PIP5K1B: variants seen among roughly 807,000 people sequenced by gnomAD.
The protein encoded by PIP5K1B is phosphatidylinositol-4-phosphate 5-kinase type 1 beta, also known as phosphatidylinositol 4-phosphate 5-kinase type-1 beta.
Under a neutral mutation model 67.0 loss-of-function variants are expected in PIP5K1B, and 42 were observed. That is an observed-to-expected ratio of 0.63 (90% CI 0.49 to 0.81). The LOEUF (loss-of-function observed/expected upper bound fraction) is 0.81. PIP5K1B is among the 30% of genes least tolerant of loss of function. The pLI is 0.00. For missense variants in PIP5K1B, 459 were observed against 646.3 expected (o/e 0.71, Z 3.14); for synonymous variants, 214 against 231.4 (o/e 0.92, Z 0.68).
chr9:68,850,283 A>G (rs1822414881), intron 4 of PIP5K1B, among the ~76,000 whole-genome samples: 1 of 152,228 alleles, frequency 6.6e-6, no homozygotes, highest in South Asian at 2.1e-4. Flanking sequence ...TAGTAATGTG[A>G]TGATACCTAC....
intron 2 of PIP5K1B, among the ~76,000 whole-genome samples, chr9:68,763,462 C>A (rs996278141): frequency 2.0e-5 from 3 of 152,042 alleles, no homozygotes; most frequent in Non-Finnish European, 4.4e-5. Flanking sequence ...AAAAAGCACT[C>A]AACGAATGTC....
At chr9:68,949,733 C>T (rs1290794945) in intron 14 of PIP5K1B, among the ~76,000 whole-genome samples, 1 of 152,148 alleles carries the variant, frequency 6.6e-6, no homozygotes, top group African/African-American at 2.4e-5. Context: ...ATCGGGCAGC[C>T]CCCAGAATCA....
At chr9:68,919,449 C>G (rs769106983) in intron 9 of PIP5K1B, 30 bp from the exon 10 acceptor site, 4 of 1,098,308 alleles carry the variant, frequency 3.6e-6, no homozygotes, top group Non-Finnish European at 5.4e-6. Flanking sequence ...AATATGTAAT[C>G]AAATATTTTC....
chr9:68,984,695 G>A (rs1830026234), intron 14 of PIP5K1B, among the ~76,000 whole-genome samples: 1 of 152,002 alleles, frequency 6.6e-6, no homozygotes, highest in Non-Finnish European at 1.5e-5. Context: ...AGCATATTTT[G>A]CTTACTTTTC....
At position 68,972,630 on chromosome 9, in the gene PIP5K1B, G is replaced by C. The variant is rs1388006810; in HGVS notation, c.1503-18510G>C. ...CACTCCATCCTGAGCGACAGAGCAA[G>C]CAAGACTTTGTCTGAAAAAATAAAA... On this transcript the variant is annotated intron_variant, in intron 14 of 15. Coordinates refer to ENST00000265382, the MANE Select transcript of PIP5K1B (RefSeq NM_003558.4). 1.2e-4 allele frequency among the ~76,000 whole-genome samples: 18 copies of C among 152,230 alleles called. No individual in the cohort carries two copies. In the South Asian group the frequency reaches 3.5e-3, roughly 30 times the overall value.
chr9:68,731,681 T>C (rs1828439146), intron 1 of PIP5K1B, among the ~76,000 whole-genome samples: 1 of 152,170 alleles, frequency 6.6e-6, no homozygotes, highest in Non-Finnish European at 1.5e-5. Flanking sequence ...GTGGTAAAAG[T>C]ACTGAATGTG....
At chr9:68,892,595 A>C (rs1824852763) in intron 7 of PIP5K1B, among the ~76,000 whole-genome samples, 1 of 152,254 alleles carries the variant, frequency 6.6e-6, no homozygotes, top group Non-Finnish European at 1.5e-5. Flanking sequence ...TTTCACATAC[A>C]CACAAAATTA....
At chr9:68,817,173 G>A (rs1041108440) in intron 2 of PIP5K1B, among the ~76,000 whole-genome samples, 2 of 152,172 alleles carry the variant, frequency 1.3e-5, no homozygotes, top group South Asian at 2.1e-4. Context: ...GAGAGAAGGC[G>A]AATTAAAACC....
intron 14 of PIP5K1B, among the ~76,000 whole-genome samples, chr9:68,951,402 G>C (rs936912448): frequency 2.0e-5 from 3 of 152,220 alleles, no homozygotes; most frequent in Admixed American, 6.5e-5. Context: ...CTTTGTCTGG[G>C]AGAAGATTTT....
chr9:68,792,678 G>A (rs942168783), intron 2 of PIP5K1B, among the ~76,000 whole-genome samples: 8 of 152,024 alleles, frequency 5.3e-5, no homozygotes, highest in Non-Finnish European at 2.9e-5. Flanking sequence ...ACAGGGTTTC[G>A]CTGCATTAGC....
At chr9:68,975,183 C>G (rs904198682) in intron 14 of PIP5K1B, among the ~76,000 whole-genome samples, 6 of 152,316 alleles carry the variant, frequency 3.9e-5, no homozygotes, top group Non-Finnish European at 7.3e-5. Flanking sequence ...GCCCTCCCAC[C>G]CCAGCCTCCC....
intron 8 of PIP5K1B, among the ~76,000 whole-genome samples, chr9:68,914,051 G>A (rs766781135): frequency 6.6e-6 from 1 of 151,996 alleles, no homozygotes; most frequent in Non-Finnish European, 1.5e-5. Flanking sequence ...GTTGAATATT[G>A]CAGGAAAAAT....
chr9:68,781,510 A>T, intron 2 of PIP5K1B: 1 of 169,226 alleles, frequency 5.9e-6, no homozygotes. Flanking sequence ...TACGTTAGTT[A>T]TATCTATCTA....
chr9:68,969,310 G>GT (rs1367209761), intron 14 of PIP5K1B, among the ~76,000 whole-genome samples: 2 of 144,918 alleles, frequency 1.4e-5, no homozygotes, highest in African/African-American at 5.1e-5. Context: ...GGGGCTTGCA[G>GT]TGAGCCGAGA....
chr9:68,771,463 G>A (rs1487903434), intron 2 of PIP5K1B, among the ~76,000 whole-genome samples: 1 of 152,176 alleles, frequency 6.6e-6, no homozygotes, highest in African/African-American at 2.4e-5. Context: ...TTTCATGTGT[G>A]TCAATAGGGA....
At chr9:68,996,792 G>A (rs1439094055) in intron 15 of PIP5K1B, among the ~76,000 whole-genome samples, 1 of 152,200 alleles carries the variant, frequency 6.6e-6, no homozygotes, top group Non-Finnish European at 1.5e-5. Context: ...GGAATGGCTG[G>A]GTAAGTGGGA....
chr9:68,735,424 C>T (rs1033348981), intron 1 of PIP5K1B, among the ~76,000 whole-genome samples: 1 of 144,972 alleles, frequency 6.9e-6, no homozygotes, highest in Non-Finnish European at 1.5e-5. Context: ...TACTTAGGCT[C>T]CTCTGGGTTA....
chr9:68,806,177 G>A (rs1318133396), intron 2 of PIP5K1B, among the ~76,000 whole-genome samples: 1 of 152,190 alleles, frequency 6.6e-6, no homozygotes, highest in African/African-American at 2.4e-5. Context: ...CTGCAGCTGG[G>A]ATAAAGGTGG....
At position 68,877,910 on chromosome 9, in the gene PIP5K1B, A is replaced by G. The variant is rs149057874; in HGVS notation, c.318+1116A>G. Among the ~76,000 whole-genome samples the G allele has an allele frequency of 9.0e-3, 1,367 of 152,108 alleles. 15 individuals are homozygous for G. Among genetic ancestry groups the G allele is most frequent in the Non-Finnish European group, 0.015 (998 of 67,990 alleles). The stretch of plus-strand genomic sequence containing the variant: ...GTCCCTAGCATACTGCTGCCCTTAA[A>G]TGTATATATTACTCTCTTTCTCTCA... On this transcript the variant is annotated intron_variant, in intron 6 of 15. Coordinates refer to ENST00000265382, the MANE Select transcript of PIP5K1B (RefSeq NM_003558.4).
Sources: allele counts gnomAD v4.1 joint callset (sites outside exome capture counted in the v4.1 genomes callset), GRCh38; gene constraint gnomAD v4.1.1; transcripts MANE v1.5; gene names NCBI Gene and HGNC (gene_info 2026-07-23, HGNC 2026-07-21).